Variants in CDYL observed in about 807,000 individuals in gnomAD.
CDYL encodes the protein chromodomain Y-like protein.
A neutral mutation model predicts 47.3 loss-of-function variants in CDYL; 8 were observed. That is an observed-to-expected ratio of 0.17 (90% CI 0.10 to 0.31). The LOEUF (loss-of-function observed/expected upper bound fraction) is 0.31. Ranked by LOEUF, CDYL falls within the 10% of genes least tolerant of loss-of-function variation. The pLI, the probability that CDYL is intolerant of heterozygous loss-of-function variation, is 1.00. For missense variants in CDYL, 471 were observed against 701.4 expected (o/e 0.67, Z 3.71); for synonymous variants, 266 against 265.0 (o/e 1.00, Z -0.04).
At chr6:4,804,013 AT>A (rs1022754520) in intron 1 of CDYL, among the ~76,000 whole-genome samples, 70 of 129,702 alleles carry the variant, frequency 5.4e-4, no homozygotes, top group African/African-American at 1.6e-3. Flanking sequence ...AGTCTTTTTG[AT>A]TTTTAAAATA....
intron 3 of CDYL, among the ~76,000 whole-genome samples, chr6:4,736,647 A>C (rs1273233138): frequency 6.7e-6 from 1 of 150,128 alleles, no homozygotes; most frequent in Non-Finnish European, 1.5e-5. Context: ...CATGAAAGCC[A>C]ATGCTACTCA....
chr6:4,791,424 G>T (rs1196604476), intron 1 of CDYL, among the ~76,000 whole-genome samples: 2 of 152,224 alleles, frequency 1.3e-5, no homozygotes, highest in South Asian at 2.1e-4. Context: ...GTCAAAATCT[G>T]TTTCTCAATT....
chr6:4,708,145 TACACACACACACACACACAC>T (rs66538207), intron 1 of CDYL, among the ~76,000 whole-genome samples: 35 of 149,606 alleles, frequency 2.3e-4, no homozygotes, highest in African/African-American at 8.6e-4. Context: ...TTGTGTTGTG[TACACACACACACACACACAC>T]ACACACACAC....
intron 3 of CDYL, among the ~76,000 whole-genome samples, chr6:4,750,901 G>C (rs1757977685): frequency 6.7e-6 from 1 of 149,030 alleles, no homozygotes; most frequent in Non-Finnish European, 1.5e-5. Context: ...CACCTAGGCT[G>C]GAGTGCAGTG....
At chr6:4,906,150 G>A (rs762202318) in intron 2 of CDYL, among the ~76,000 whole-genome samples, 4 of 152,230 alleles carry the variant, frequency 2.6e-5, no homozygotes, top group Admixed American at 1.3e-4. Flanking sequence ...TCCCATGGGC[G>A]GATGATATGA....
intron 2 of CDYL, among the ~76,000 whole-genome samples, chr6:4,724,241 G>A (rs1211823663): frequency 6.6e-6 from 1 of 151,760 alleles, no homozygotes; most frequent in African/African-American, 2.4e-5. Context: ...TAGAGACAGG[G>A]TTTCATTATA....
At chr6:4,764,469 T>C (rs552239667) in intron 3 of CDYL, among the ~76,000 whole-genome samples, 26 of 152,204 alleles carry the variant, frequency 1.7e-4, no homozygotes, top group Non-Finnish European at 3.4e-4. Context: ...TTTGCATTTT[T>C]AGTAGAGGTG....
intron 1 of CDYL, among the ~76,000 whole-genome samples, chr6:4,808,639 G>T (rs958088425): frequency 2.0e-5 from 3 of 152,150 alleles, no homozygotes; most frequent in African/African-American, 4.8e-5. Context: ...TATATATCAC[G>T]CATGGTTGCG....
At position 4,754,340 on chromosome 6, in the gene CDYL, G is replaced by T. The variant is rs144808859; in HGVS notation, c.186+19496G>T. Among the ~76,000 whole-genome samples the T allele has an allele frequency of 3.9e-5, 6 of 152,324 alleles. No individual in the cohort carries two copies. The East Asian group carries it at 1.2e-3, about 29-fold the overall frequency. The stretch of plus-strand genomic sequence containing the variant: ...CCAATCACATTTTCAAGTCTCTGAA[G>T]TTGGCCGATTTTCATTTCAGAAGAC... On this transcript the variant is annotated intron_variant, in intron 3 of 8. Coordinates refer to the CDYL transcript ENST00000328908.
chr6:4,805,060 A>G (rs1046434956), intron 1 of CDYL, among the ~76,000 whole-genome samples: 4 of 152,202 alleles, frequency 2.6e-5, no homozygotes, highest in Non-Finnish European at 5.9e-5. Flanking sequence ...ACCCCAAAAA[A>G]CAAAAACCCA....
intron 1 of CDYL, among the ~76,000 whole-genome samples, chr6:4,713,753 A>G (rs1757201116): frequency 6.6e-6 from 1 of 151,990 alleles, no homozygotes. Flanking sequence ...ACACCCAGCT[A>G]ATTTTTGTAT....
intron 5 of CDYL, among the ~76,000 whole-genome samples, chr6:4,951,684 C>T (rs906862151): frequency 3.9e-5 from 6 of 151,990 alleles, no homozygotes; most frequent in East Asian, 1.9e-4. Context: ...CTCCAAGGTA[C>T]GCTCTAGCAG....
intron 1 of CDYL, among the ~76,000 whole-genome samples, chr6:4,880,989 A>G (rs1761747681): frequency 6.6e-6 from 1 of 152,036 alleles, no homozygotes; most frequent in African/African-American, 2.4e-5. Context: ...CATCTTTTAA[A>G]TTATTATTTA....
At chr6:4,758,522 G>A (rs1758114368) in intron 3 of CDYL, among the ~76,000 whole-genome samples, 1 of 151,486 alleles carries the variant, frequency 6.6e-6, no homozygotes, top group Admixed American at 6.6e-5. Context: ...AATTAGCTGA[G>A]AGTGGTGACA....
chr6:4,789,004 C>G (rs1758842694), intron 1 of CDYL, among the ~76,000 whole-genome samples: 1 of 152,134 alleles, frequency 6.6e-6, no homozygotes, highest in African/African-American at 2.4e-5. Context: ...TGCTGCTCCT[C>G]CTGGCTTTAC....
intron 1 of CDYL, chr6:4,715,723 T>C (rs1323843423): frequency 2.5e-6 from 4 of 1,607,530 alleles, no homozygotes; most frequent in Non-Finnish European, 3.4e-6. Context: ...ATTCCTCTTG[T>C]TGGGATTGTA....
chr6:4,722,386 C>T (rs1211109373), intron 2 of CDYL, among the ~76,000 whole-genome samples: 1 of 151,920 alleles, frequency 6.6e-6, no homozygotes, highest in East Asian at 1.9e-4. Flanking sequence ...TGGCAAGAAC[C>T]TGTCTCAAGA....
At chr6:4,917,685 AG>A (rs1172839855) in intron 2 of CDYL, among the ~76,000 whole-genome samples, 1 of 152,206 alleles carries the variant, frequency 6.6e-6, no homozygotes, top group Non-Finnish European at 1.5e-5. Flanking sequence ...GGCAGCACTG[AG>A]GAAGGATTAA....
intron 3 of CDYL, among the ~76,000 whole-genome samples, chr6:4,766,727 G>A (rs534018876): frequency 5.3e-5 from 8 of 152,080 alleles, no homozygotes; most frequent in Non-Finnish European, 1.0e-4. Context: ...ACAAGAGGCC[G>A]GGCACAGTGG....
Sources: allele counts gnomAD v4.1 joint callset (sites outside exome capture counted in the v4.1 genomes callset), GRCh38; gene constraint gnomAD v4.1.1; transcripts MANE v1.5; gene names NCBI Gene and HGNC (gene_info 2026-07-23, HGNC 2026-07-21).